Variants in ADAM10 observed in about 807,000 individuals in gnomAD.
The protein encoded by ADAM10 is ADAM metallopeptidase domain 10, also known as disintegrin and metalloproteinase domain-containing protein 10.
A neutral mutation model predicts 90.1 loss-of-function variants in ADAM10; 17 were observed. That is an observed-to-expected ratio of 0.19 (90% confidence interval 0.13 to 0.28). ADAM10 has a LOEUF of 0.28. ADAM10 is among the 10% of genes least tolerant of loss of function. The pLI, the probability that ADAM10 is intolerant of heterozygous loss-of-function variation, is 1.00. For synonymous variants in ADAM10, 310 were observed against 298.6 expected (o/e 1.04, Z -0.40); for missense variants, 610 against 914.3 (o/e 0.67, Z 4.29).
chr15:58,593,037 T>C lies in ADAM10; in HGVS notation c.*4510A>G, dbSNP rs1595974189. The C allele has an allele frequency of 6.7e-6, 1 of 149,278 alleles. No homozygotes were observed. The highest frequency in any genetic ancestry group is 2.1e-4 in the South Asian group (1 of 4,768). 9.2% of individuals were successfully genotyped at this position (149,278 alleles called of 1,614,324 possible). On this transcript the variant is annotated 3_prime_UTR_variant, in exon 16 of 16. Transcript: ENST00000260408. ...CCACAGAAATATTTAGAGTAGTTAA[T>C]GTGATATACATTATCAATGTACCAT...
At chr15:58,702,593 G>A (rs2140792690) in intron 2 of ADAM10, among the ~76,000 whole-genome samples, 1 of 152,252 alleles carries the variant, frequency 6.6e-6, no homozygotes, top group African/African-American at 2.4e-5. Flanking sequence ...CAAGTATTAT[G>A]TATTTAAATT....
Position 58,688,786 on chromosome 15 carries a change from ATCTC to A in ADAM10, c.207-6476_207-6473del, listed in dbSNP as rs1176204968. ...AAAAATTATATATATATATATATAT[ATCTC>A]TCTCTCTCACTGGACTGACTTAAGA... On this transcript the variant is annotated intron_variant, in intron 2 of 15. Transcript: ENST00000260408. Among the ~76,000 whole-genome samples, 189 of 122,378 alleles carry A rather than the reference ATCTC, an allele frequency of 1.5e-3. 2 individuals carry two copies. Among genetic ancestry groups the A allele is most frequent in the African/African-American group, 6.3e-3 (175 of 27,830 alleles). 80.3% of individuals were successfully genotyped at this position (122,378 alleles called of 152,430 possible).
rs1896154461 is a variant in ADAM10, at chr15:58,633,371, CA to C, written c.1013-13del. 3 of 1,611,822 alleles carry C rather than the reference CA, an allele frequency of 1.9e-6. No homozygotes were observed. In the South Asian group the frequency reaches 3.3e-5, roughly 18 times the overall value. Reference sequence around the variant, plus strand: ...TCCTCCAGAGCTTCCTAATCCAGAACAAAAAAATGGCTAAATTAGTATCTGT... The same window carrying C: ...TCCTCCAGAGCTTCCTAATCCAGAACAAAAAATGGCTAAATTAGTATCTGT... On this transcript the variant is annotated splice_polypyrimidine_tract_variant and intron_variant, in intron 8 of 15. Coordinates refer to ENST00000260408, the MANE Select transcript of ADAM10 (RefSeq NM_001110.4).
At chr15:58,609,047 A>T (rs1419254215) in intron 14 of ADAM10, 1 of 152,206 alleles carries the variant, frequency 6.6e-6, no homozygotes, top group Non-Finnish European at 1.5e-5. Context: ...AAGAAGGGCC[A>T]AGAAAGGTAA....
chr15:58,737,383 C>A (rs528414458), intron 1 of ADAM10, among the ~76,000 whole-genome samples: 12 of 152,120 alleles, frequency 7.9e-5, no homozygotes, highest in Admixed American at 5.3e-4. Flanking sequence ...TATAAAGAAC[C>A]TGACTGACTA....
At chr15:58,603,222 T>TG (rs1895163614) in intron 14 of ADAM10, among the ~76,000 whole-genome samples, 1 of 152,214 alleles carries the variant, frequency 6.6e-6, no homozygotes, top group Non-Finnish European at 1.5e-5. Flanking sequence ...TATTGTTTTT[T>TG]GTTTTTATTC....
intron 2 of ADAM10, among the ~76,000 whole-genome samples, chr15:58,707,748 T>C (rs117473423): frequency 0.012 from 1,809 of 152,310 alleles, 11 homozygotes; most frequent in South Asian, 0.024. Flanking sequence ...CGCACAACTA[T>C]GTAATTAAAT....
intron 1 of ADAM10, among the ~76,000 whole-genome samples, chr15:58,737,695 A>C (rs1899476252): frequency 6.6e-6 from 1 of 152,168 alleles, no homozygotes; most frequent in Non-Finnish European, 1.5e-5. Context: ...ATTTTTTTCC[A>C]TATTCCATGG....
At chr15:58,628,377 G>A (rs1359722847) in intron 9 of ADAM10, among the ~76,000 whole-genome samples, 2 of 152,100 alleles carry the variant, frequency 1.3e-5, no homozygotes, top group Non-Finnish European at 2.9e-5. Flanking sequence ...CCAATATATA[G>A]GAAAGGTAAG....
At chr15:58,640,273 T>C (rs73426517) in intron 8 of ADAM10, among the ~76,000 whole-genome samples, 116 of 152,298 alleles carry the variant, frequency 7.6e-4, no homozygotes, top group Middle Eastern at 3.4e-3. Context: ...AGTGCTTCCC[T>C]TTTATTAAAA....
chr15:58,741,635 T>A (rs901490921), intron 1 of ADAM10, among the ~76,000 whole-genome samples: 2 of 152,230 alleles, frequency 1.3e-5, no homozygotes, highest in Non-Finnish European at 2.9e-5. Flanking sequence ...AGCCTAATAT[T>A]TAAATTCAAC....
chr15:58,650,010 C>G (rs1896646846), intron 5 of ADAM10, among the ~76,000 whole-genome samples: 1 of 152,124 alleles, frequency 6.6e-6, no homozygotes. Context: ...CTTATACTAT[C>G]CAAATCTAAA....
At chr15:58,676,373 T>G (rs1213314861) in intron 4 of ADAM10, 2 of 451,930 alleles carry the variant, frequency 4.4e-6, no homozygotes, top group Admixed American at 4.8e-5. Context: ...AAGTAAAGAT[T>G]TTTATACACT....
intron 8 of ADAM10, 98 bp downstream of exon 8, chr15:58,640,679 G>C: frequency 8.9e-7 from 1 of 1,127,042 alleles, no homozygotes; most frequent in Non-Finnish European, 1.3e-6. Flanking sequence ...ATATTATACA[G>C]GCATCACTTT....
At chr15:58,679,428 TA>T in intron 3 of ADAM10, 146 bp from the exon 4 acceptor site, 3 of 758,220 alleles carry the variant, frequency 4.0e-6, no homozygotes, top group Non-Finnish European at 6.4e-6. Context: ...AATATAAATT[TA>T]CTATGGAAAT....
chr15:58,596,066 T>C lies in ADAM10; in HGVS notation c.*1481A>G, dbSNP rs1253483500. On this transcript the variant is annotated 3_prime_UTR_variant, in exon 16 of 16. Coordinates refer to ENST00000260408, the MANE Select transcript of ADAM10 (RefSeq NM_001110.4). ...GGCTTGCGTCACATTATGAGAATGA[T>C]TGTGTAAACCTTATACTCTTAAAAA... The C allele has an allele frequency of 2.6e-5, 4 of 151,032 alleles. No individual in the cohort carries two copies. Among genetic ancestry groups the C allele is most frequent in the African/African-American group, 7.3e-5 (3 of 40,834 alleles). The allele number at this position is 151,032 out of a possible 1,614,324, so 9.4% of individuals were successfully genotyped here.
chr15:58,691,410 T>C, intron 2 of ADAM10: 1 of 708,496 alleles, frequency 1.4e-6, no homozygotes, highest in Non-Finnish European at 2.7e-6. Context: ...AAAAGCAGAG[T>C]TGGCTACCTG....
intron 2 of ADAM10, among the ~76,000 whole-genome samples, chr15:58,717,308 A>C (rs1898692090): frequency 6.6e-6 from 1 of 152,236 alleles, no homozygotes; most frequent in African/African-American, 2.4e-5. Context: ...ATGTACACAG[A>C]ATCTTCTTTA....
At chr15:58,621,056 T>C (rs1039845065) in intron 11 of ADAM10, among the ~76,000 whole-genome samples, 8 of 151,608 alleles carry the variant, frequency 5.3e-5, no homozygotes, top group Non-Finnish European at 1.0e-4. Context: ...CTATTAAAAG[T>C]AGTCCAAACA....
Sources: gnomAD v4.1 joint callset for allele counts (sites outside exome capture counted in the v4.1 genomes callset) on GRCh38, gnomAD v4.1.1 for gene constraint, MANE v1.5 for transcripts, NCBI Gene and HGNC (gene_info 2026-07-23, HGNC 2026-07-21) for gene names.